LHFPL3: variants seen among roughly 807,000 people sequenced by gnomAD.
The protein encoded by LHFPL3 is LHFPL tetraspan subfamily member 3, also known as LHFPL tetraspan subfamily member 3 protein.
LHFPL3 carries 5 observed loss-of-function variants against 19.3 expected under a neutral mutation model. That is an observed-to-expected ratio of 0.26 (90% CI 0.14 to 0.54). LHFPL3 has a LOEUF of 0.54. Among genes scored for constraint, LHFPL3 ranks in the 20% least tolerant of loss-of-function variants. LHFPL3 has a pLI of 0.94. For synonymous variants in LHFPL3, 133 were observed against 126.2 expected (o/e 1.05, Z -0.36); for missense variants, 249 against 307.4 (o/e 0.81, Z 1.42).
chr7:104,505,531 G>C (rs1374997504), intron 1 of LHFPL3, among the ~76,000 whole-genome samples: 1 of 152,118 alleles, frequency 6.6e-6, no homozygotes, highest in Non-Finnish European at 1.5e-5. Flanking sequence ...TAACGCACTG[G>C]GTTTCATGGA....
intron 1 of LHFPL3, among the ~76,000 whole-genome samples, chr7:104,495,116 T>C (rs1444154071): frequency 6.6e-6 from 1 of 152,218 alleles, no homozygotes; most frequent in African/African-American, 2.4e-5. Context: ...TGGGTTTCCA[T>C]AGTCCAAAAT....
chr7:104,878,583 T>C (rs796626557), intron 2 of LHFPL3, among the ~76,000 whole-genome samples: 94 of 152,272 alleles, frequency 6.2e-4, no homozygotes, highest in African/African-American at 2.2e-3. Context: ...GGCCTCCCTA[T>C]TCCATGAGAT....
intron 1 of LHFPL3, among the ~76,000 whole-genome samples, chr7:104,680,126 A>G (rs1323121963): frequency 6.6e-6 from 1 of 152,210 alleles, no homozygotes; most frequent in Non-Finnish European, 1.5e-5. Flanking sequence ...GCAGAGAGGA[A>G]GGAACGCAAT....
chr7:104,344,253 TATTA>T (rs1418595024), intron 1 of LHFPL3, among the ~76,000 whole-genome samples: 1 of 152,172 alleles, frequency 6.6e-6, no homozygotes, highest in Non-Finnish European at 1.5e-5. Flanking sequence ...ATATTTTATT[TATTA>T]TTTTTAATTT....
At chr7:104,820,127 T>C (rs1790649444) in intron 2 of LHFPL3, among the ~76,000 whole-genome samples, 1 of 152,152 alleles carries the variant, frequency 6.6e-6, no homozygotes, top group African/African-American at 2.4e-5. Flanking sequence ...GGACATGTTA[T>C]ATCTGAAAAT....
chr7:104,603,515 C>A (rs1469811156), intron 1 of LHFPL3, among the ~76,000 whole-genome samples: 1 of 152,132 alleles, frequency 6.6e-6, no homozygotes, highest in Non-Finnish European at 1.5e-5. Context: ...AAAGTCTTAA[C>A]TTGTTCTAGC....
intron 1 of LHFPL3, among the ~76,000 whole-genome samples, chr7:104,517,186 A>C (rs1793936213): frequency 6.6e-6 from 1 of 152,230 alleles, no homozygotes; most frequent in East Asian, 1.9e-4. Flanking sequence ...AAAAATACCT[A>C]ATGGATACTA....
chr7:104,786,961 A>G (rs1050732797), intron 2 of LHFPL3, among the ~76,000 whole-genome samples: 1 of 152,200 alleles, frequency 6.6e-6, no homozygotes, highest in Non-Finnish European at 1.5e-5. Flanking sequence ...CCCTCTGTAT[A>G]AGTAGGCCTA....
chr7:104,462,882 G>T (rs1792700484), intron 1 of LHFPL3, among the ~76,000 whole-genome samples: 1 of 151,688 alleles, frequency 6.6e-6, no homozygotes, highest in African/African-American at 2.4e-5. Context: ...GGTTTTTTTT[G>T]GTTAGTAGTC....
intron 2 of LHFPL3, among the ~76,000 whole-genome samples, chr7:104,773,163 T>TG (rs1247290179): frequency 6.6e-6 from 1 of 152,172 alleles, no homozygotes. Flanking sequence ...AGTCCCCTGG[T>TG]GGGGGTCTTC....
At chr7:104,714,988 G>C (rs949900402) in intron 1 of LHFPL3, among the ~76,000 whole-genome samples, 19 of 151,900 alleles carry the variant, frequency 1.3e-4, no homozygotes. Flanking sequence ...TATACACAGA[G>C]AGAGAGAGAG....
intron 1 of LHFPL3, among the ~76,000 whole-genome samples, chr7:104,558,530 G>GT (rs1354337513): frequency 2.6e-5 from 4 of 151,846 alleles, no homozygotes. Flanking sequence ...GGGGTTGTTT[G>GT]TTTTTTTCTT....
chr7:104,332,388 C>A (rs1801586980), intron 1 of LHFPL3, among the ~76,000 whole-genome samples: 1 of 151,604 alleles, frequency 6.6e-6, no homozygotes, highest in South Asian at 2.1e-4. Context: ...TGCCACCACA[C>A]CAGGCTAATT....
At chr7:104,553,383 G>C (rs1038543110) in intron 1 of LHFPL3, among the ~76,000 whole-genome samples, 1 of 152,138 alleles carries the variant, frequency 6.6e-6, no homozygotes, top group Non-Finnish European at 1.5e-5. Flanking sequence ...TTAATAAAAA[G>C]TTATAAAGAG....
chr7:104,627,256 A>G (rs1791562321), intron 1 of LHFPL3, among the ~76,000 whole-genome samples: 1 of 152,144 alleles, frequency 6.6e-6, no homozygotes, highest in South Asian at 2.1e-4. Context: ...TATTTCACTT[A>G]ATACAGTGTC....
intron 1 of LHFPL3, among the ~76,000 whole-genome samples, chr7:104,581,698 A>G (rs1234853064): frequency 6.6e-6 from 1 of 151,998 alleles, no homozygotes; most frequent in Non-Finnish European, 1.5e-5. Flanking sequence ...TACTTTTTCC[A>G]TATAGATATC....
Position 104,841,491 on chromosome 7 carries a change from GGGGTGTGTGTGT to G in LHFPL3, c.683-64694_683-64683del, listed in dbSNP as rs1188672004. The stretch of plus-strand genomic sequence containing the variant: ...CAATATGTATTACGATGCATTATGT[GGGGTGTGTGTGT>G]GTGTGTGTGTGTGTGTGTGTGTGTG... On this transcript the variant is annotated intron_variant, in intron 2 of 2. Coordinates refer to ENST00000424859, the MANE Select transcript of LHFPL3 (RefSeq NM_199000.3). Among the ~76,000 whole-genome samples, 8 of 141,924 alleles carry G rather than the reference GGGGTGTGTGTGT, an allele frequency of 5.6e-5. No homozygotes were observed. The East Asian group carries it at 6.6e-4, about 12-fold the overall frequency. 93.1% of individuals were successfully genotyped at this position (141,924 alleles called of 152,430 possible).
intron 1 of LHFPL3, among the ~76,000 whole-genome samples, chr7:104,349,855 T>C (rs1790140424): frequency 6.6e-6 from 1 of 152,264 alleles, no homozygotes; most frequent in South Asian, 2.1e-4. Context: ...GAAATGCCTT[T>C]GTTTCCCTAT....
intron 1 of LHFPL3, among the ~76,000 whole-genome samples, chr7:104,530,061 T>G (rs899056540): frequency 6.6e-6 from 1 of 152,198 alleles, no homozygotes; most frequent in Admixed American, 6.5e-5. Flanking sequence ...TAAATTGTCC[T>G]TGGTACAACT....
Sources: gnomAD v4.1 joint callset for allele counts (sites outside exome capture counted in the v4.1 genomes callset) on GRCh38, gnomAD v4.1.1 for gene constraint, MANE v1.5 for transcripts, NCBI Gene and HGNC (gene_info 2026-07-23, HGNC 2026-07-21) for gene names.